TRAPPC3L: variants seen among roughly 807,000 people sequenced by gnomAD.
TRAPPC3L encodes trafficking protein particle complex subunit 3L, also known as trafficking protein particle complex subunit 3-like protein.
A neutral mutation model predicts 23.7 loss-of-function variants in TRAPPC3L; 23 were observed. The ratio of observed to expected loss-of-function variants is 0.97; its 90% CI spans 0.70 to 1.37. The LOEUF (loss-of-function observed/expected upper bound fraction) is 1.37. TRAPPC3L is among the 40% of genes most tolerant of loss of function. TRAPPC3L has a pLI of 0.00. For synonymous variants in TRAPPC3L, 81 were observed against 77.9 expected, an observed-to-expected ratio of 1.04 and a Z score of -0.21; for missense variants, 212 against 216.8, an observed-to-expected ratio of 0.98 and a Z score of 0.14.
intron 3 of TRAPPC3L, among the ~76,000 whole-genome samples, chr6:116,506,387 G>A (rs1157998225): frequency 6.6e-6 from 1 of 152,228 alleles, no homozygotes; most frequent in Non-Finnish European, 1.5e-5. Flanking sequence ...AGGATGTGGA[G>A]AAGTAGGAAC....
intron 3 of TRAPPC3L, among the ~76,000 whole-genome samples, chr6:116,525,864 A>G (rs908666382): frequency 2.6e-5 from 4 of 152,250 alleles, no homozygotes; most frequent in Non-Finnish European, 2.9e-5. Context: ...CCTATATTTT[A>G]TCATAAAGAG....
intron 3 of TRAPPC3L, among the ~76,000 whole-genome samples, chr6:116,503,820 C>A (rs1276648011): frequency 6.6e-6 from 1 of 152,028 alleles, no homozygotes; most frequent in African/African-American, 2.4e-5. Flanking sequence ...TTCTTAGAAA[C>A]CAATGAGAAA....
intron 3 of TRAPPC3L, chr6:116,512,256 C>T: frequency 1.3e-6 from 2 of 1,575,018 alleles, no homozygotes; most frequent in South Asian, 1.1e-5. Context: ...GACAAACTCG[C>T]CTTTTTCTCT....
intron 3 of TRAPPC3L, among the ~76,000 whole-genome samples, chr6:116,507,518 G>A (rs1403324917): frequency 6.8e-6 from 1 of 146,338 alleles, no homozygotes; most frequent in Non-Finnish European, 1.5e-5. Flanking sequence ...TGCCCAGAAC[G>A]TGAATCATCC....
chr6:116,516,215 G>T, intron 3 of TRAPPC3L: 1 of 442,392 alleles, frequency 2.3e-6, no homozygotes. Flanking sequence ...GTGGAGAGGG[G>T]CTCAGTAGGC....
rs555731445 is a variant in TRAPPC3L, at chr6:116,513,501, G to C, written c.241-12835C>G. Among the ~76,000 whole-genome samples the C allele has an allele frequency of 9.2e-5, 14 of 152,260 alleles. No individual in the cohort carries two copies. The South Asian group carries it at 2.9e-3, about 32-fold the overall frequency. ...CAGGCCCAAACACTTATCATTGTGTGAGCTTCTCCTCTCTAAACACAGGTA... is the reference window on the plus strand; with the variant it reads ...CAGGCCCAAACACTTATCATTGTGTCAGCTTCTCCTCTCTAAACACAGGTA... On this transcript the variant is annotated intron_variant, in intron 3 of 4. Coordinates refer to ENST00000368602, the MANE Select transcript of TRAPPC3L (RefSeq NM_001139444.3).
At chr6:116,542,605 T>C (rs1184679011) in intron 2 of TRAPPC3L, among the ~76,000 whole-genome samples, 1 of 152,108 alleles carries the variant, frequency 6.6e-6, no homozygotes, top group East Asian at 1.9e-4. Context: ...GTTTTATTGT[T>C]TGGCAATCAT....
rs1203682425 is a variant in TRAPPC3L at position 116,495,063 on chromosome 6, A to T, written c.*1891T>A. ...AGCAATCCTCCCACTTTGGCATCCCAAAGTGCAGAGATTACAGGCTTGTGC... is the reference window on the plus strand; with the variant it reads ...AGCAATCCTCCCACTTTGGCATCCCTAAGTGCAGAGATTACAGGCTTGTGC... On this transcript the variant is annotated 3_prime_UTR_variant, in exon 5 of 5. Transcript: ENST00000368602. 7.2e-6 allele frequency: 1 copy of T among 139,480 alleles called. No individual in the cohort carries two copies. The highest frequency in any genetic ancestry group is 1.5e-5 in the Non-Finnish European group (1 of 66,102). 8.6% of individuals were successfully genotyped at this position (139,480 alleles called of 1,614,324 possible). A position where few individuals can be genotyped will look rare whatever the true frequency, so the allele number is the denominator to read the frequency against.
rs545904189 is a variant in TRAPPC3L at position 116,525,339 on chromosome 6, T to C, written c.240+15024A>G. On this transcript the variant is annotated intron_variant, in intron 3 of 4. Transcript: ENST00000368602. ...ATTCTTTCCCATCCTGAACAGCTTT[T>C]CACCTTGGGTTTCTAAATATTTAGG... Among the ~76,000 whole-genome samples, 14 of 152,322 alleles carry C rather than the reference T, an allele frequency of 9.2e-5. No individual in the cohort carries two copies. The South Asian group carries it at 2.9e-3, about 32-fold the overall frequency.
chr6:116,544,151 A>AAAAGAGAGAGAGAG (rs1554238330), intron 1 of TRAPPC3L, among the ~76,000 whole-genome samples: 2 of 132,918 alleles, frequency 1.5e-5, no homozygotes, highest in African/African-American at 2.7e-5. Context: ...AAAGGTGAAG[A>AAAAGAGAGAGAGAG]AGAGAGAGAG....
chr6:116,544,123 T>G (rs1773624863), intron 1 of TRAPPC3L, among the ~76,000 whole-genome samples: 1 of 132,266 alleles, frequency 7.6e-6, no homozygotes, highest in African/African-American at 2.6e-5. Context: ...GTACTAATGC[T>G]ACAGCATAAA....
At chr6:116,518,604 C>T (rs1406339736) in intron 3 of TRAPPC3L, 1 of 152,154 alleles carries the variant, frequency 6.6e-6, no homozygotes, top group Non-Finnish European at 1.5e-5. Flanking sequence ...CCTTAAGTGT[C>T]TTCTGAGCTG....
chr6:116,497,043 G>T lies in TRAPPC3L; in HGVS notation c.457C>A (p.Gln153Lys), dbSNP rs1317211652. 5.8e-6 allele frequency: 9 copies of T among 1,543,722 alleles called. No homozygotes were observed. The highest frequency in any genetic ancestry group is 7.9e-6 in the Non-Finnish European group (9 of 1,144,464). ...ACACTGTCACCTTTTAGTCTGTCTT[G>T]CAAGAATGTAACATCAGCCGCCAAA... ...VHLAADVTFL[Q>K]DRLKGDSVTE... The change falls in exon 5 of 5, where the codon CAA becomes AAA. Residue 153 changes from glutamine to lysine, a missense_variant. Transcript: ENST00000368602.
In TRAPPC3L at chr6:116,543,393, T is replaced by C. The variant is rs528672084; in HGVS notation, c.50A>G (p.Asp17Gly). ...RRPEYHKINKDLFVLTYGALV... is the reference protein window; with the variant it reads ...RRPEYHKINKGLFVLTYGALV... ...AGCTCCATAGGTAAGGACAAAGAGA[T>C]CTTTATTCTGGAGAAAAAGGGGTAG... The change falls in exon 2 of 5, where the codon GAT (aspartate) becomes GGT (glycine). Residue 17 changes from aspartate to glycine, a missense_variant. Coordinates refer to ENST00000368602, the MANE Select transcript of TRAPPC3L (RefSeq NM_001139444.3). The C allele has an allele frequency of 1.9e-6, 3 of 1,548,868 alleles. No individual in the cohort carries two copies. In the East Asian group the frequency reaches 7.3e-5, roughly 38 times the overall value.
chr6:116,513,398 TATA>T lies in TRAPPC3L; in HGVS notation c.241-12735_241-12733del, dbSNP rs150883228. Among the ~76,000 whole-genome samples the T allele has an allele frequency of 3.9e-3, 594 of 152,302 alleles. 3 individuals are homozygous for T. The highest frequency in any genetic ancestry group is 0.014 in the African/African-American group (575 of 41,566). Reference sequence around the variant, plus strand: ...TCTTGTGTCTTTTATTGAAGAAGGGTATAACTTACAACTCTTATGACAGAATGA... The same window carrying T: ...TCTTGTGTCTTTTATTGAAGAAGGGTACTTACAACTCTTATGACAGAATGA... On this transcript the variant is annotated intron_variant, in intron 3 of 4. Transcript: ENST00000368602.
At chr6:116,514,600 T>C (rs962139021) in intron 3 of TRAPPC3L, among the ~76,000 whole-genome samples, 20 of 152,292 alleles carry the variant, frequency 1.3e-4, no homozygotes, top group African/African-American at 4.8e-4. Flanking sequence ...ATAAAAAGAA[T>C]ACGCATAGTA....
At chr6:116,512,166 C>T in intron 3 of TRAPPC3L, 1 of 1,612,660 alleles carries the variant, frequency 6.2e-7, no homozygotes, top group East Asian at 2.2e-5. Context: ...CACAAAGTAT[C>T]TTGTGGCAAA....
At chr6:116,503,098 G>A (rs984171318) in intron 3 of TRAPPC3L, among the ~76,000 whole-genome samples, 4 of 152,034 alleles carry the variant, frequency 2.6e-5, no homozygotes, top group African/African-American at 9.7e-5. Flanking sequence ...GAAGAGTCAA[G>A]ACCCATCAGT....
intron 3 of TRAPPC3L, among the ~76,000 whole-genome samples, chr6:116,502,814 C>T (rs138266850): frequency 6.6e-6 from 1 of 152,314 alleles, no homozygotes; most frequent in Non-Finnish European, 1.5e-5. Flanking sequence ...CCTTTTCAGA[C>T]AAGCAAATGC....
Sources: allele counts gnomAD v4.1 joint callset (sites outside exome capture counted in the v4.1 genomes callset), GRCh38; gene constraint gnomAD v4.1.1; transcripts MANE v1.5; gene names NCBI Gene and HGNC (gene_info 2026-07-23, HGNC 2026-07-21).